Variants in CSPP1 observed in about 807,000 individuals in gnomAD.
CSPP1 encodes the protein centrosome and spindle pole-associated protein 1.
A neutral mutation model predicts 164.4 loss-of-function variants in CSPP1; 126 were observed. The ratio of observed to expected loss-of-function variants is 0.77; its 90% CI spans 0.66 to 0.89. The LOEUF (loss-of-function observed/expected upper bound fraction) is 0.89. Among genes scored for constraint, CSPP1 ranks in the 40% least tolerant of loss-of-function variants. The pLI, the probability that CSPP1 is intolerant of heterozygous loss-of-function variation, is 0.00. For synonymous variants in CSPP1, 472 were observed against 476.7 expected, an observed-to-expected ratio of 0.99 and a Z score of 0.13; for missense variants, 1,395 against 1,449.8, an observed-to-expected ratio of 0.96 and a Z score of 0.61.
At chr8:67,158,752 T>C (rs1006664391) in intron 20 of CSPP1, among the ~76,000 whole-genome samples, 156 bp downstream of exon 20, 3 of 152,122 alleles carry the variant, frequency 2.0e-5, no homozygotes, top group African/African-American at 7.2e-5. Flanking sequence ...TTTATTAAGG[T>C]GAAAGGGTAA....
At chr8:67,122,999 C>G (rs1273998142) in intron 15 of CSPP1, 1 of 152,518 alleles carries the variant, frequency 6.6e-6, no homozygotes, top group Non-Finnish European at 1.5e-5. Context: ...TGGGCTCAAG[C>G]AATCCTCCTA....
rs1268489150 is a variant in CSPP1 at position 67,195,847 on chromosome 8, AACT to A, written c.*259_*261del. The A allele has an allele frequency of 6.9e-6, 3 of 433,804 alleles. No homozygotes were observed. The highest frequency in any genetic ancestry group is 1.3e-5 in the Non-Finnish European group (3 of 238,884). The allele number at this position is 433,804 out of a possible 1,614,324, so 26.9% of individuals were successfully genotyped here. A position where few individuals can be genotyped will look rare whatever the true frequency, so the allele number is the denominator to read the frequency against. The stretch of plus-strand genomic sequence containing the variant: ...ATTAGGGTGGTAATGAACTGGATTG[AACT>A]ACTATATGTGCATTATATTGAATTC... On this transcript the variant is annotated 3_prime_UTR_variant, in exon 31 of 31. Coordinates refer to ENST00000678616, the MANE Select transcript of CSPP1 (RefSeq NM_001382391.1).
In CSPP1 at chr8:67,172,508, C is replaced by T; in HGVS notation, c.2921C>T (p.Ala974Val). The change falls in exon 25 of 31, where the codon GCT (alanine) becomes GTT (valine). Residue 974 changes from alanine (A) to valine (V), a missense_variant. Transcript: ENST00000678616. ...VRRQSPKGLD[A>V]ATFQNVHDFN... is the part of the protein sequence containing the mutation. ...AGACAGTCCCCTAAGGGCTTAGACGCTGCCACTTTTCAGAATGTTCATGAT... is the reference window on the plus strand; with the variant it reads ...AGACAGTCCCCTAAGGGCTTAGACGTTGCCACTTTTCAGAATGTTCATGAT... The T allele has an allele frequency of 1.2e-6, 2 of 1,613,638 alleles. No homozygotes were observed. Among genetic ancestry groups the T allele is most frequent in the African/African-American group, 1.3e-5 (1 of 75,022 alleles).
At position 67,118,893 on chromosome 8, in the gene CSPP1, A is replaced by G. The variant is rs1818453762; in HGVS notation, c.1697+72A>G. On this transcript the variant is annotated intron_variant, in intron 15 of 30. Coordinates refer to ENST00000678616, the MANE Select transcript of CSPP1 (RefSeq NM_001382391.1). ...TTAAGATACACATAACCTAAAAGCC[A>G]CCATCCTAACATTTTAGAGTATACT... 3.1e-6 allele frequency: 3 copies of G among 977,974 alleles called. 1 individual carries two copies. In the East Asian group the frequency reaches 7.4e-5, roughly 24 times the overall value. The allele number at this position is 977,974 out of a possible 1,614,324, so 60.6% of individuals were successfully genotyped here.
Position 67,132,066 on chromosome 8 carries a change from G to T in CSPP1, c.1813G>T (p.Ala605Ser). 1.2e-6 allele frequency: 2 copies of T among 1,612,520 alleles called. No individual in the cohort carries two copies. Among genetic ancestry groups the T allele is most frequent in the Non-Finnish European group, 1.7e-6 (2 of 1,179,258 alleles). ...ACAGTCACTTCAGTCTTACCAAGAGGCTTTGCAGCAGCAGGTATTGATTCA... is the reference window on the plus strand; with the variant it reads ...ACAGTCACTTCAGTCTTACCAAGAGTCTTTGCAGCAGCAGGTATTGATTCA... ...SKQSLQSYQE[A>S]LQQQIREREE... The change falls in exon 16 of 31, where the codon GCT becomes TCT. Residue 605 changes from alanine (A) to serine (S), a missense_variant. Coordinates refer to ENST00000678616, the MANE Select transcript of CSPP1 (RefSeq NM_001382391.1).
chr8:67,130,967 G>C (rs548963972), intron 15 of CSPP1, among the ~76,000 whole-genome samples: 1 of 152,106 alleles, frequency 6.6e-6, no homozygotes, highest in Non-Finnish European at 1.5e-5. Flanking sequence ...CAGCCTGGGC[G>C]ACAAGAGTGA....
intron 9 of CSPP1, among the ~76,000 whole-genome samples, chr8:67,107,069 A>G (rs1815718576): frequency 6.6e-6 from 1 of 150,924 alleles, no homozygotes; most frequent in African/African-American, 2.4e-5. Flanking sequence ...TAATTTTGAA[A>G]TTGAGTTTCG....
intron 1 of CSPP1, among the ~76,000 whole-genome samples, chr8:67,066,294 A>G (rs1216874603): frequency 1.3e-5 from 2 of 152,194 alleles, no homozygotes; most frequent in Non-Finnish European, 2.9e-5. Context: ...GAAGTTGCTC[A>G]TGTGGATGCC....
chr8:67,159,133 C>A lies in CSPP1; in HGVS notation c.2534C>A (p.Thr845Lys), dbSNP rs778986253. ...AGAGACAATTTGATTGGGGAAGAAA[C>A]AAAGGTAAGTTTCAGACAAAAATGT... Reference protein sequence around the residue: ...CERDNLIGEETKHMRQPSPIV... With the variant: ...CERDNLIGEEKKHMRQPSPIV... Residue 845 changes from threonine (T) to lysine (K), a missense_variant, in exon 21 of 31, where the codon ACA becomes AAA. By Grantham distance (78) the Thr-to-Lys change is moderately conservative. Coordinates refer to ENST00000678616, the MANE Select transcript of CSPP1 (RefSeq NM_001382391.1). 6.3e-7 allele frequency: 1 copy of A among 1,598,814 alleles called. No individual in the cohort carries two copies. The highest frequency in any genetic ancestry group is 8.5e-7 in the Non-Finnish European group (1 of 1,175,996).
At chr8:67,184,865 C>T (rs1008355837) in intron 28 of CSPP1, among the ~76,000 whole-genome samples, 22 of 145,630 alleles carry the variant, frequency 1.5e-4, no homozygotes, top group Non-Finnish European at 3.0e-4. Flanking sequence ...TTTGGGAGGC[C>T]GAGGAGGGCG....
At chr8:67,190,834 G>A in intron 29 of CSPP1, 75 bp downstream of exon 29, 3 of 1,058,144 alleles carry the variant, frequency 2.8e-6, no homozygotes, top group Non-Finnish European at 4.4e-6. Flanking sequence ...TGCTAAATCT[G>A]TGTGGCCCAA....
Position 67,076,551 on chromosome 8 carries a change from C to T in CSPP1, c.169C>T (p.Pro57Ser), listed in dbSNP as rs1807958428. The T allele has an allele frequency of 1.1e-5, 17 of 1,599,914 alleles. No homozygotes were observed. Among genetic ancestry groups the T allele is most frequent in the Non-Finnish European group, 1.3e-5 (15 of 1,173,386 alleles). ...LISMAKENIP[P>S]NSQQTRGSLG... is the part of the protein sequence containing the mutation. The stretch of plus-strand genomic sequence containing the variant: ...CTCTATGGCTAAGGAAAACATACCA[C>T]CAAATAGTCAACAGACCAGGGGTTC... Residue 57 changes from proline (P) to serine (S), a missense_variant, in exon 3 of 31, where the codon CCA becomes TCA. Coordinates refer to ENST00000678616, the MANE Select transcript of CSPP1 (RefSeq NM_001382391.1).
At chr8:67,146,928 C>A (rs2129557307) in intron 17 of CSPP1, among the ~76,000 whole-genome samples, 1 of 152,118 alleles carries the variant, frequency 6.6e-6, no homozygotes, top group East Asian at 1.9e-4. Flanking sequence ...TAGCTGATTT[C>A]AAATCATTTA....
At chr8:67,098,002 T>G (rs1289223457) in intron 7 of CSPP1, among the ~76,000 whole-genome samples, 2 of 151,632 alleles carry the variant, frequency 1.3e-5, no homozygotes. Flanking sequence ...ACAATTTAAT[T>G]TAAAATGGGA....
At chr8:67,066,425 G>A (rs1805560488) in intron 1 of CSPP1, among the ~76,000 whole-genome samples, 1 of 151,788 alleles carries the variant, frequency 6.6e-6, no homozygotes, top group Non-Finnish European at 1.5e-5. Flanking sequence ...TCTTTCACTG[G>A]CCCCTCCCCC....
At chr8:67,174,960 C>A (rs1043644402) in intron 25 of CSPP1, 2 of 229,846 alleles carry the variant, frequency 8.7e-6, no homozygotes. Context: ...AGCCATGTGA[C>A]CATCTGCTTG....
intron 17 of CSPP1, among the ~76,000 whole-genome samples, chr8:67,147,071 G>A (rs1011757574): frequency 2.0e-5 from 3 of 152,156 alleles, no homozygotes; most frequent in Non-Finnish European, 2.9e-5. Context: ...GTACTCTGAT[G>A]AAATTAATTT....
chr8:67,192,063 TTTG>T (rs1003040413), intron 29 of CSPP1, among the ~76,000 whole-genome samples: 5 of 142,434 alleles, frequency 3.5e-5, no homozygotes, highest in Admixed American at 6.9e-5. Flanking sequence ...CCTTTGCTGA[TTTG>T]TTTTTTTTTT....
chr8:67,125,878 G>A (rs1819952095), intron 15 of CSPP1, among the ~76,000 whole-genome samples: 1 of 152,094 alleles, frequency 6.6e-6, no homozygotes, highest in African/African-American at 2.4e-5. Flanking sequence ...TGTTGCCCAG[G>A]CTGGAGTGCA....
Sources: allele counts gnomAD v4.1 joint callset (sites outside exome capture counted in the v4.1 genomes callset), GRCh38; gene constraint gnomAD v4.1.1; transcripts MANE v1.5; gene names NCBI Gene and HGNC (gene_info 2026-07-23, HGNC 2026-07-21).